ABCC1: variants seen among roughly 807,000 people sequenced by gnomAD.
ABCC1 encodes the protein ATP binding cassette subfamily C member 1 (ABCC1 blood group), also known as multidrug resistance-associated protein 1.
A neutral mutation model predicts 172.9 loss-of-function variants in ABCC1; 83 were observed. That is an observed-to-expected ratio of 0.48 (90% CI 0.40 to 0.58). The LOEUF (loss-of-function observed/expected upper bound fraction) is 0.58. ABCC1 is among the 20% of genes least tolerant of loss of function. ABCC1 has a pLI of 0.00. For synonymous variants in ABCC1, 937 were observed against 825.2 expected, an observed-to-expected ratio of 1.14 and a Z score of -2.32; for missense variants, 1,817 against 2,002.7, an observed-to-expected ratio of 0.91 and a Z score of 1.77.
chr16:16,043,245 C>CA (rs967787819), intron 7 of ABCC1, among the ~76,000 whole-genome samples: 2 of 80,942 alleles, frequency 2.5e-5, no homozygotes, highest in East Asian at 8.9e-4. Context: ...TTTTTTTTTC[C>CA]ACTGATGTAT....
chr16:16,038,043 AGGAT>A (rs150697316), intron 7 of ABCC1, among the ~76,000 whole-genome samples: 1 of 151,604 alleles, frequency 6.6e-6, no homozygotes, highest in Non-Finnish European at 1.5e-5. Context: ...CAGAACTAGT[AGGAT>A]GGATGGATGG....
chr16:16,128,575 A>G (rs1393832750), intron 26 of ABCC1, among the ~76,000 whole-genome samples: 2 of 152,210 alleles, frequency 1.3e-5, no homozygotes, highest in African/African-American at 4.8e-5. Flanking sequence ...ATTTGCATGT[A>G]TTTTTATATA....
At chr16:15,985,658 T>C (rs1256200287) in intron 1 of ABCC1, among the ~76,000 whole-genome samples, 1 of 152,108 alleles carries the variant, frequency 6.6e-6, no homozygotes, top group Non-Finnish European at 1.5e-5. Flanking sequence ...TTGGTCGGGC[T>C]GGTCTCGAAC....
intron 23 of ABCC1, among the ~76,000 whole-genome samples, chr16:16,121,044 C>G (rs763434062): frequency 2.0e-5 from 3 of 152,094 alleles, no homozygotes; most frequent in Non-Finnish European, 4.4e-5. Context: ...GTGGTTCAAC[C>G]TAGTATTACC....
At chr16:15,971,840 C>T (rs371208887) in intron 1 of ABCC1, among the ~76,000 whole-genome samples, 20 of 152,172 alleles carry the variant, frequency 1.3e-4, no homozygotes, top group East Asian at 9.7e-4. Context: ...GTCCTCATGC[C>T]GGTTTAGATA....
intron 26 of ABCC1, among the ~76,000 whole-genome samples, chr16:16,129,632 G>C (rs1284294698): frequency 6.6e-6 from 1 of 150,726 alleles, no homozygotes. Context: ...CTGCCTCCCA[G>C]ATTCTAGTGA....
chr16:15,963,980 G>C (rs1278151923), intron 1 of ABCC1, among the ~76,000 whole-genome samples: 2 of 150,278 alleles, frequency 1.3e-5, no homozygotes, highest in Non-Finnish European at 2.9e-5. Context: ...GTCTCTCTCT[G>C]TTGCCCAGGC....
chr16:16,052,903 G>A (rs2049494016), intron 11 of ABCC1, 87 bp downstream of exon 11: 1 of 1,306,758 alleles, frequency 7.7e-7, no homozygotes, highest in Non-Finnish European at 1.1e-6. Flanking sequence ...CTTCTGCTCT[G>A]TCCCTGGGGT....
At chr16:16,133,560 C>T (rs548450246) in intron 27 of ABCC1, among the ~76,000 whole-genome samples, 5 of 152,054 alleles carry the variant, frequency 3.3e-5, no homozygotes, top group Admixed American at 6.6e-5. Flanking sequence ...CATGCCACCA[C>T]GCCCAGCTAA....
At chr16:16,081,205 T>A (rs1027482494) in intron 16 of ABCC1, among the ~76,000 whole-genome samples, 1 of 152,212 alleles carries the variant, frequency 6.6e-6, no homozygotes, top group Admixed American at 6.5e-5. Flanking sequence ...AGCAAAACCC[T>A]TTCTTTGATT....
At chr16:16,024,805 T>TA (rs1017477548) in intron 5 of ABCC1, among the ~76,000 whole-genome samples, 14 of 152,152 alleles carry the variant, frequency 9.2e-5, no homozygotes, top group African/African-American at 3.1e-4. Context: ...CGGTGGCACT[T>TA]AAAAAGCCTT....
At chr16:16,113,189 T>G (rs535338734) in intron 22 of ABCC1, among the ~76,000 whole-genome samples, 2 of 152,114 alleles carry the variant, frequency 1.3e-5, no homozygotes, top group African/African-American at 2.4e-5. Flanking sequence ...CCCTCCCCTC[T>G]CCTTGCCATT....
intron 20 of ABCC1, among the ~76,000 whole-genome samples, chr16:16,104,030 T>A (rs1447463985): frequency 1.3e-5 from 2 of 152,142 alleles, no homozygotes; most frequent in Non-Finnish European, 2.9e-5. Context: ...TTACAGCTCT[T>A]AAGGTGGCGT....
At chr16:16,101,911 C>T (rs139559696) in intron 19 of ABCC1, among the ~76,000 whole-genome samples, 1 of 152,224 alleles carries the variant, frequency 6.6e-6, no homozygotes, top group Non-Finnish European at 1.5e-5. Flanking sequence ...TATCAGTGTC[C>T]TTCCTAATTC....
chr16:16,018,094 G>A (rs1257048034), intron 5 of ABCC1, among the ~76,000 whole-genome samples: 1 of 152,178 alleles, frequency 6.6e-6, no homozygotes, highest in African/African-American at 2.4e-5. Context: ...TAGTCAGCTG[G>A]TAATGGGCGG....
At chr16:15,970,340 C>CT (rs1460494813) in intron 1 of ABCC1, among the ~76,000 whole-genome samples, 1 of 152,218 alleles carries the variant, frequency 6.6e-6, no homozygotes, top group East Asian at 1.9e-4. Flanking sequence ...GCCTACGTCT[C>CT]TCCTCGTCAC....
chr16:15,996,701 T>C (rs1303650271), intron 1 of ABCC1, among the ~76,000 whole-genome samples: 1 of 152,096 alleles, frequency 6.6e-6, no homozygotes, highest in Non-Finnish European at 1.5e-5. Context: ...ACCTGTGCCA[T>C]CCAGATGGGA....
chr16:15,971,148 A>G (rs1301125440), intron 1 of ABCC1, among the ~76,000 whole-genome samples: 1 of 152,170 alleles, frequency 6.6e-6, no homozygotes, highest in Non-Finnish European at 1.5e-5. Flanking sequence ...GCAGCTAGGT[A>G]TATGTACAGA....
At chr16:15,964,090 C>T (rs34761300) in intron 1 of ABCC1, among the ~76,000 whole-genome samples, 21,876 of 151,986 alleles carry the variant, frequency 0.14, 1,816 homozygotes, top group Non-Finnish European at 0.19. Context: ...ATTACAGGCA[C>T]CCGCCATCAT....
Sources: allele counts gnomAD v4.1 joint callset (sites outside exome capture counted in the v4.1 genomes callset), GRCh38; gene constraint gnomAD v4.1.1; transcripts MANE v1.5; gene names NCBI Gene and HGNC (gene_info 2026-07-23, HGNC 2026-07-21).